PRR12: variants seen among roughly 807,000 people sequenced by gnomAD.
PRR12 encodes the protein proline-rich protein 12.
In PRR12, 12 loss-of-function variants were observed where a neutral mutation model predicts 138.0. The ratio of observed to expected loss-of-function variants is 0.09; its 90% CI spans 0.06 to 0.14. The LOEUF is 0.14. Ranked by LOEUF, PRR12 falls within the 10% of genes least tolerant of loss-of-function variation. PRR12 has a pLI of 1.00. For missense variants in PRR12, 2,692 were observed against 2,861.3 expected (o/e 0.94, Z 1.35); for synonymous variants, 1,567 against 1,291.7 (o/e 1.21, Z -4.57).
intron 10 of PRR12, among the ~76,000 whole-genome samples, chr19:49,620,684 C>T (rs577810979): frequency 1.4e-5 from 2 of 141,322 alleles, no homozygotes; most frequent in Non-Finnish European, 3.1e-5. Flanking sequence ...TCCCTGGGTC[C>T]TAGGGAGAAG....
intron 9 of PRR12, among the ~76,000 whole-genome samples, chr19:49,618,856 C>G (rs1048867198): frequency 9.9e-5 from 15 of 151,884 alleles, no homozygotes; most frequent in African/African-American, 3.6e-4. Context: ...GCCTGGACTT[C>G]AGCCTCACTC....
Position 49,597,995 on chromosome 19 carries a change from G to A in PRR12, c.3660G>A (p.Glu1220=). The A allele has an allele frequency of 1.4e-6, 2 of 1,386,900 alleles. No individual in the cohort carries two copies. The highest frequency in any genetic ancestry group is 3.1e-5 in the African/African-American group (2 of 65,550). 85.9% of individuals were successfully genotyped at this position (1,386,900 alleles called of 1,614,324 possible). The change falls in exon 4 of 14, where the codon GAG becomes GAA. Residue 1220 remains glutamate (E), a synonymous_variant. Transcript: ENST00000418929. This position sits in a 1 kb window ranked among gnomAD's most constrained non-coding sequence, Gnocchi z 6.3. ...AGGAGGCAGGGGGCACCCGGTTGGA[G>A]CCCCTGAAGCCACTTAAGGTGAGGG... ...KAEEAGGTRL[E]PLKPLKIKLS...
Position 49,614,808 on chromosome 19 carries a change from C to T in PRR12, c.4891-68C>T. The T allele has an allele frequency of 3.1e-6, 5 of 1,606,438 alleles. No individual in the cohort carries two copies. Among genetic ancestry groups the T allele is most frequent in the Non-Finnish European group, 4.3e-6 (5 of 1,174,414 alleles). On this transcript the variant is annotated intron_variant, in intron 7 of 13. Coordinates refer to ENST00000418929, the MANE Select transcript of PRR12 (RefSeq NM_020719.3). The surrounding 1 kb of genome is among the most constrained non-coding windows in gnomAD (Gnocchi z 5.0). ...AAGCAGCTGCCATGGTGGCCCAGGG[C>T]ACGGGGGTGTTGGCCATCTGGCTGG...
intron 11 of PRR12, among the ~76,000 whole-genome samples, chr19:49,622,908 CATAT>C (rs61466559): frequency 0.017 from 1,684 of 97,196 alleles, 109 homozygotes; most frequent in African/African-American, 0.082. Flanking sequence ...AAAACAAAAA[CATAT>C]ATATATATAT....
intron 6 of PRR12, among the ~76,000 whole-genome samples, chr19:49,613,577 A>T (rs537057836): frequency 3.0e-4 from 46 of 152,222 alleles, no homozygotes; most frequent in African/African-American, 1.1e-3. Flanking sequence ...TTTGTGGGGC[A>T]GGGGGAGCAG....
At position 49,591,556 on chromosome 19, in the gene PRR12, A is replaced by G. The variant is rs1053292972; in HGVS notation, c.-99A>G. 2.9e-6 allele frequency: 2 copies of G among 680,190 alleles called. No individual in the cohort carries two copies. The highest frequency in any genetic ancestry group is 2.0e-5 in the African/African-American group (1 of 49,742). The allele number at this position is 680,190 out of a possible 1,614,324, so 42.1% of individuals were successfully genotyped here. A position where few individuals can be genotyped will look rare whatever the true frequency, so the allele number is the denominator to read the frequency against. ...GAGAGAGAGAAAAGGGGGGAAAAAA[A>G]AGCAGCAGCGGAGGGAGCGGCGGCG... On this transcript the variant is annotated 5_prime_UTR_variant, in exon 1 of 14. Transcript: ENST00000418929.
At chr19:49,605,979 T>C (rs2080836095) in intron 6 of PRR12, among the ~76,000 whole-genome samples, 1 of 152,218 alleles carries the variant, frequency 6.6e-6, no homozygotes, top group Non-Finnish European at 1.5e-5. Context: ...CTGACTCAAA[T>C]CTCTGCCACT....
rs2080773197 is a variant in PRR12, at chr19:49,596,795, C to T, written c.2460C>T (p.Gly820=). 8 of 1,600,906 alleles carry T rather than the reference C, an allele frequency of 5.0e-6. No homozygotes were observed. In the East Asian group the frequency reaches 1.1e-4, roughly 22 times the overall value. The change falls in exon 4 of 14, where the codon GGC becomes GGT. Residue 820 remains glycine (G), a synonymous_variant. Transcript: ENST00000418929. The surrounding 1 kb of genome is among the most constrained non-coding windows in gnomAD (Gnocchi z 5.6). The part of the protein sequence containing the change: ...PSPSPSASKV[G]VHLLEPATRD... ...CCTCTCCCAGCGCCTCCAAAGTCGG[C>T]GTCCACCTCCTTGAGCCAGCCACCC...
In PRR12 at chr19:49,601,697, C is replaced by A; in HGVS notation, c.4552C>A (p.Pro1518Thr). Residue 1518 changes from proline (P) to threonine (T), a missense_variant, in exon 6 of 14, where the codon CCA (proline) becomes ACA (threonine). Transcript: ENST00000418929. ...AMPSPPPPPP[P>T]AAAPLAAPPE... is the part of the protein sequence containing the mutation. ...GCCCTCGCCTCCACCACCACCCCCACCAGCCGCTGCCCCACTGGCTGCTCC... is the reference window on the plus strand; with the variant it reads ...GCCCTCGCCTCCACCACCACCCCCAACAGCCGCTGCCCCACTGGCTGCTCC... 2 of 1,540,080 alleles carry A rather than the reference C, an allele frequency of 1.3e-6. No homozygotes were observed. The highest frequency in any genetic ancestry group is 1.7e-6 in the Non-Finnish European group (2 of 1,146,158).
At chr19:49,612,283 C>G (rs2080870910) in intron 6 of PRR12, among the ~76,000 whole-genome samples, 1 of 150,392 alleles carries the variant, frequency 6.6e-6, no homozygotes, top group Non-Finnish European at 1.5e-5. Flanking sequence ...AGTCTCCAAT[C>G]AGCTGTGGGT....
intron 2 of PRR12, 105 bp downstream of exon 2, chr19:49,593,544 G>A: frequency 1.6e-6 from 1 of 612,666 alleles, no homozygotes; most frequent in Non-Finnish European, 2.9e-6. Context: ...CGTGGCCCGT[G>A]CCGTGGCCCG....
At position 49,601,505 on chromosome 19, in the gene PRR12, G is replaced by A; in HGVS notation, c.4360G>A (p.Glu1454Lys). The change falls in exon 6 of 14, where the codon GAG becomes AAG. Residue 1454 changes from glutamate (E) to lysine (K), a missense_variant. Glu to Lys is a moderately conservative substitution (Grantham distance 56). This residue lies in a region of PRR12 where 231 missense variants were observed against 200.8 expected (regional missense o/e 1.15). Transcript: ENST00000418929. ...GTCTCCCCCAGAGCCCCCGCTGCTG[G>A]AGGAGAAACCCCCACCCACTCCACC... is the stretch of plus-strand genomic sequence containing the variant. ...SNGTPEPPLL[E>K]EKPPPTPPPA... The A allele has an allele frequency of 6.6e-7, 1 of 1,515,490 alleles. No homozygotes were observed. The highest frequency in any genetic ancestry group is 1.2e-5 in the South Asian group (1 of 81,960). The allele number at this position is 1,515,490 out of a possible 1,614,324, so 93.9% of individuals were successfully genotyped here. A position where few individuals can be genotyped will look rare whatever the true frequency, so the allele number is the denominator to read the frequency against.
chr19:49,595,661 T>C lies in PRR12; in HGVS notation c.1326T>C (p.Ala442=). ...GGGCTGGAGGGGCAGGGGGCCAGGC[T>C]TATTCCCCCGGTCAGCCTCAAGGGC... ...ASGAGGAGGQ[A]YSPGQPQGLL... The change falls in exon 4 of 14, where the codon GCT becomes GCC. Residue 442 remains alanine (A), a synonymous_variant. Coordinates refer to ENST00000418929, the MANE Select transcript of PRR12 (RefSeq NM_020719.3). 6.2e-7 allele frequency: 1 copy of C among 1,600,578 alleles called. No individual in the cohort carries two copies. Among genetic ancestry groups the C allele is most frequent in the Non-Finnish European group, 8.5e-7 (1 of 1,174,404 alleles).
chr19:49,624,814 G>A lies in PRR12; in HGVS notation c.5722-30G>A, dbSNP rs57119643. 4 of 1,603,570 alleles carry A rather than the reference G, an allele frequency of 2.5e-6. No individual in the cohort carries two copies. In the South Asian group the frequency reaches 3.3e-5, roughly 13 times the overall value. On this transcript the variant is annotated intron_variant, in intron 11 of 13. Transcript: ENST00000418929. ...GTTTGGGGTTTATGGATCCAGGGCA[G>A]CATCCAGCTGACCCATTGGCTTCCC...
intron 9 of PRR12, among the ~76,000 whole-genome samples, chr19:49,618,155 C>T (rs115936023): frequency 3.2e-3 from 482 of 152,102 alleles, no homozygotes; most frequent in Admixed American, 5.5e-3. Flanking sequence ...TGTCCAGGGT[C>T]CCAGTTTCCT....
chr19:49,607,351 A>G (rs912254601), intron 6 of PRR12, among the ~76,000 whole-genome samples: 1 of 146,900 alleles, frequency 6.8e-6, no homozygotes, highest in Non-Finnish European at 1.5e-5. Flanking sequence ...AGCCTCTGTC[A>G]TGTACGTGTG....
Position 49,597,409 on chromosome 19 carries a change from A to C in PRR12, c.3074A>C (p.Glu1025Ala), listed in dbSNP as rs973551872. Reference sequence around the variant, plus strand: ...GAACTGCCCTCCACGGTCAACGCCGAGCCGCTGGGCCTGATCCAGAGTGGC... The same window carrying C: ...GAACTGCCCTCCACGGTCAACGCCGCGCCGCTGGGCCTGATCCAGAGTGGC... ...PPELPSTVNA[E>A]PLGLIQSGPH... Residue 1025 changes from glutamate to alanine, a missense_variant, in exon 4 of 14, where the codon GAG becomes GCG. This residue lies in a region of PRR12 where 840 missense variants were observed against 689.8 expected (regional missense o/e 1.22). Transcript: ENST00000418929. The surrounding 1 kb of genome is among the most constrained non-coding windows in gnomAD (Gnocchi z 6.3). 4 of 1,537,606 alleles carry C rather than the reference A, an allele frequency of 2.6e-6. No homozygotes were observed. Among genetic ancestry groups the C allele is most frequent in the African/African-American group, 1.4e-5 (1 of 72,898 alleles).
rs1177690378 is a variant in PRR12, at chr19:49,591,352, G to A, written c.-303G>A. On this transcript the variant is annotated 5_prime_UTR_variant, in exon 1 of 14. Coordinates refer to ENST00000418929, the MANE Select transcript of PRR12 (RefSeq NM_020719.3). ...CCCCCCCTTTTCTCTCGCAAGCGCCGGGGCAAAGGCGGAGACAGCGGGGTC... is the reference window on the plus strand; with the variant it reads ...CCCCCCCTTTTCTCTCGCAAGCGCCAGGGCAAAGGCGGAGACAGCGGGGTC... Among the ~76,000 whole-genome samples the A allele has an allele frequency of 3.5e-5, 5 of 143,934 alleles. No homozygotes were observed. The South Asian group carries it at 1.1e-3, about 32-fold the overall frequency. 94.4% of individuals were successfully genotyped at this position (143,934 alleles called of 152,430 possible). A position where few individuals can be genotyped will look rare whatever the true frequency, so the allele number is the denominator to read the frequency against.
intron 6 of PRR12, among the ~76,000 whole-genome samples, chr19:49,608,543 G>T (rs777298599): frequency 6.6e-6 from 1 of 151,996 alleles, no homozygotes; most frequent in African/African-American, 2.4e-5. Flanking sequence ...GCTAATTTCT[G>T]TATTTTTAGT....
Sources: gnomAD v4.1 joint callset for allele counts (sites outside exome capture counted in the v4.1 genomes callset) on GRCh38, gnomAD v4.1.1 for gene constraint, gnomAD v4.1.1 regional missense constraint, Gnocchi (gnomAD v3.1) non-coding constraint, MANE v1.5 for transcripts, NCBI Gene and HGNC (gene_info 2026-07-23, HGNC 2026-07-21) for gene names.